Variants in GALNTL6 observed in about 807,000 individuals in gnomAD.
GALNTL6 encodes the protein polypeptide N-acetylgalactosaminyltransferase like 6.
In GALNTL6, 46 loss-of-function variants were observed where a neutral mutation model predicts 73.7. That is an observed-to-expected ratio of 0.62 (90% CI 0.49 to 0.80). The LOEUF is 0.80. Ranked by LOEUF, GALNTL6 falls within the 30% of genes least tolerant of loss-of-function variation. The pLI is 0.00. For synonymous variants in GALNTL6, 259 were observed against 263.7 expected (o/e 0.98, Z 0.17); for missense variants, 604 against 755.0 (o/e 0.80, Z 2.34).
intron 2 of GALNTL6, among the ~76,000 whole-genome samples, chr4:171,902,878 G>C (rs1737142863): frequency 6.6e-6 from 1 of 152,092 alleles, no homozygotes. Context: ...ATTGCTTCTA[G>C]TACCCTATCA....
intron 2 of GALNTL6, among the ~76,000 whole-genome samples, chr4:172,020,117 A>G (rs559350362): frequency 4.6e-5 from 7 of 152,234 alleles, no homozygotes; most frequent in African/African-American, 1.7e-4. Flanking sequence ...CTTGAAACCA[A>G]TGAAAATGGA....
At chr4:172,479,553 A>G (rs1439740701) in intron 5 of GALNTL6, among the ~76,000 whole-genome samples, 1 of 152,164 alleles carries the variant, frequency 6.6e-6, no homozygotes, top group Non-Finnish European at 1.5e-5. Flanking sequence ...AGACTCAGAA[A>G]GAGAGAGTGT....
intron 7 of GALNTL6, among the ~76,000 whole-genome samples, chr4:172,852,560 C>T (rs2111112959): frequency 6.6e-6 from 1 of 152,262 alleles, no homozygotes; most frequent in East Asian, 1.9e-4. Flanking sequence ...AACTAGCAGT[C>T]TTGCAGCATT....
At chr4:172,812,348 C>T (rs958059164) in intron 6 of GALNTL6, among the ~76,000 whole-genome samples, 1 of 152,180 alleles carries the variant, frequency 6.6e-6, no homozygotes, top group African/African-American at 2.4e-5. Flanking sequence ...AACCAAACTT[C>T]GTAACTGTGC....
chr4:172,536,952 A>G (rs935824561), intron 5 of GALNTL6, among the ~76,000 whole-genome samples: 7 of 152,146 alleles, frequency 4.6e-5, no homozygotes, highest in African/African-American at 1.2e-4. Context: ...TGACTGCCCT[A>G]TTGAATTTCA....
At chr4:171,862,894 G>A (rs1272100902) in intron 2 of GALNTL6, among the ~76,000 whole-genome samples, 1 of 152,064 alleles carries the variant, frequency 6.6e-6, no homozygotes, top group Non-Finnish European at 1.5e-5. Flanking sequence ...TTTTGAATTA[G>A]AATGTATTGA....
At chr4:172,373,730 G>A (rs1428748434) in intron 5 of GALNTL6, among the ~76,000 whole-genome samples, 1 of 152,090 alleles carries the variant, frequency 6.6e-6, no homozygotes, top group Non-Finnish European at 1.5e-5. Flanking sequence ...ACCTAATAAG[G>A]GTGTGGGACT....
chr4:172,278,270 G>C (rs1738904905), intron 3 of GALNTL6, among the ~76,000 whole-genome samples: 1 of 152,034 alleles, frequency 6.6e-6, no homozygotes, highest in African/African-American at 2.4e-5. Flanking sequence ...ATGAACCTTT[G>C]TGTTGGACCT....
intron 5 of GALNTL6, among the ~76,000 whole-genome samples, chr4:172,442,582 A>G (rs1311237816): frequency 6.6e-6 from 1 of 152,180 alleles, no homozygotes; most frequent in Non-Finnish European, 1.5e-5. Flanking sequence ...TTTAAACTCA[A>G]CAAGAAAGGA....
chr4:172,355,351 C>A (rs184589886), intron 5 of GALNTL6, among the ~76,000 whole-genome samples: 25 of 152,082 alleles, frequency 1.6e-4, no homozygotes, highest in African/African-American at 5.8e-4. Context: ...TTCTAATGTA[C>A]GTTGTTTGAG....
intron 5 of GALNTL6, among the ~76,000 whole-genome samples, chr4:172,428,155 A>G (rs1240300895): frequency 6.6e-6 from 1 of 152,152 alleles, no homozygotes; most frequent in Non-Finnish European, 1.5e-5. Flanking sequence ...AATTTTTAGT[A>G]TAACTACTTT....
chr4:171,940,089 G>A (rs1411609171), intron 2 of GALNTL6, among the ~76,000 whole-genome samples: 2 of 151,828 alleles, frequency 1.3e-5, no homozygotes, highest in African/African-American at 4.8e-5. Context: ...AAATAGAGTT[G>A]ATTTCATCTA....
intron 12 of GALNTL6, among the ~76,000 whole-genome samples, chr4:173,022,349 A>G (rs1430426205): frequency 6.6e-6 from 1 of 152,266 alleles, no homozygotes; most frequent in African/African-American, 2.4e-5. Context: ...TTCGCTTGTT[A>G]TATGTGTGGC....
At position 172,460,490 on chromosome 4, in the gene GALNTL6, C is replaced by G. The variant is rs180996923; in HGVS notation, c.553+111801C>G. Among the ~76,000 whole-genome samples the G allele has an allele frequency of 1.4e-3, 206 of 152,252 alleles. 3 individuals are homozygous for G. In the East Asian group the frequency reaches 0.033, roughly 25 times the overall value. On this transcript the variant is annotated intron_variant, in intron 5 of 12. Transcript: ENST00000506823. ...TATCCATCTGACAAAGGGCTAATAT[C>G]CAGAATCTACAAGGAACTTAAACAA...
intron 5 of GALNTL6, among the ~76,000 whole-genome samples, chr4:172,382,917 A>G (rs1430340514): frequency 2.0e-5 from 3 of 152,086 alleles, no homozygotes; most frequent in East Asian, 3.9e-4. Context: ...TCCCCATTAA[A>G]TATTTTTGGA....
At chr4:172,282,840 A>G (rs1478169076) in intron 3 of GALNTL6, among the ~76,000 whole-genome samples, 1 of 151,440 alleles carries the variant, frequency 6.6e-6, no homozygotes, top group Non-Finnish European at 1.5e-5. Flanking sequence ...TGTAAGACAA[A>G]GAAACAAAAA....
intron 5 of GALNTL6, among the ~76,000 whole-genome samples, chr4:172,388,663 A>G (rs1277891428): frequency 1.3e-5 from 2 of 152,094 alleles, no homozygotes; most frequent in Non-Finnish European, 2.9e-5. Flanking sequence ...CACTCCCCAT[A>G]AGAGTAATTT....
chr4:171,985,740 T>TTATA (rs144030359), intron 2 of GALNTL6, among the ~76,000 whole-genome samples: 2,789 of 148,068 alleles, frequency 0.019, 89 homozygotes, highest in African/African-American at 0.065. Context: ...CTCTATAAAA[T>TTATA]TATATATATA....
chr4:172,738,596 C>T (rs1427371829), intron 5 of GALNTL6, among the ~76,000 whole-genome samples: 2 of 151,632 alleles, frequency 1.3e-5, no homozygotes, highest in Non-Finnish European at 1.5e-5. Flanking sequence ...TATTTTAAAA[C>T]GTGTCAATGA....
Sources: gnomAD v4.1 joint callset for allele counts (sites outside exome capture counted in the v4.1 genomes callset) on GRCh38, gnomAD v4.1.1 for gene constraint, MANE v1.5 for transcripts, NCBI Gene and HGNC (gene_info 2026-07-23, HGNC 2026-07-21) for gene names.